Variants in MYCBP2 observed in about 807,000 individuals in gnomAD.
The protein encoded by MYCBP2 is E3 ubiquitin-protein ligase MYCBP2.
MYCBP2 carries 120 observed loss-of-function variants against 525.3 expected under a neutral mutation model. The ratio of observed to expected loss-of-function variants is 0.23; its 90% confidence interval spans 0.20 to 0.27. The LOEUF (loss-of-function observed/expected upper bound fraction) is 0.27. Among genes scored for constraint, MYCBP2 ranks in the 10% least tolerant of loss-of-function variants. MYCBP2 has a pLI of 1.00. For synonymous variants in MYCBP2, 1,894 were observed against 1,955.8 expected, an observed-to-expected ratio of 0.97 and a Z score of 0.83; for missense variants, 4,149 against 5,657.1, an observed-to-expected ratio of 0.73 and a Z score of 8.55.
chr13:77,299,956 T>C (rs1254536031), intron 1 of MYCBP2, among the ~76,000 whole-genome samples: 7 of 152,200 alleles, frequency 4.6e-5, no homozygotes, highest in Non-Finnish European at 8.8e-5. Flanking sequence ...ACTTCTGCAA[T>C]ATAAGAACAA....
chr13:77,176,501 A>T lies in MYCBP2; in HGVS notation c.5468T>A (p.Leu1823Ter). 1 of 1,577,814 alleles carries T rather than the reference A, an allele frequency of 6.3e-7. No homozygotes were observed. The highest frequency in any genetic ancestry group is 8.6e-7 in the Non-Finnish European group (1 of 1,157,972). ...GAAACATTCAGTTGAAACTACCTTTAAAGGAACCACTTTGTCAAGTCTGAT... is the reference window on the plus strand; with the variant it reads ...GAAACATTCAGTTGAAACTACCTTTTAAGGAACCACTTTGTCAAGTCTGAT... ...AEIRLDKVVP[L>*]KENVKYAVRL... Residue 1823 changes from leucine to a stop codon, truncating the protein, a stop_gained, in exon 36 of 83, where the codon TTA (leucine) becomes TAA (stop). Transcript: ENST00000544440. LOFTEE classifies it high-confidence loss of function.
intron 18 of MYCBP2, among the ~76,000 whole-genome samples, chr13:77,229,640 CAT>C (rs2154299536): frequency 6.6e-6 from 1 of 152,224 alleles, no homozygotes; most frequent in Admixed American, 6.5e-5. Context: ...AGACTACACA[CAT>C]ATATTTTAAT....
At position 77,278,518 on chromosome 13, in the gene MYCBP2, T is replaced by C. The variant is rs189049470; in HGVS notation, c.748+240A>G. The stretch of plus-strand genomic sequence containing the variant: ...ATTGTGTGTGCTTCATAAGAGAAGC[T>C]CTTCACTTTTTAAAAACTGCAAATT... On this transcript the variant is annotated intron_variant, in intron 4 of 82. Transcript: ENST00000544440. 2.9e-3 allele frequency among the ~76,000 whole-genome samples: 435 copies of C among 152,348 alleles called. 1 individual carries two copies. The highest frequency in any genetic ancestry group is 4.4e-3 in the Non-Finnish European group (299 of 68,018).
intron 68 of MYCBP2, among the ~76,000 whole-genome samples, chr13:77,073,580 A>G (rs2041754695): frequency 6.6e-6 from 1 of 152,166 alleles, no homozygotes; most frequent in Non-Finnish European, 1.5e-5. Flanking sequence ...TTTAAGGCAT[A>G]TAGTTTAGAA....
intron 13 of MYCBP2, 69 bp downstream of exon 13, chr13:77,260,359 T>C (rs919650167): frequency 7.4e-6 from 8 of 1,080,312 alleles, no homozygotes; most frequent in Admixed American, 6.5e-5. Flanking sequence ...ATTTTCTAGA[T>C]ATGTCTTTGT....
At chr13:77,061,349 T>C in intron 75 of MYCBP2, 48 bp from the exon 76 acceptor site, 1 of 1,462,706 alleles carries the variant, frequency 6.8e-7, no homozygotes, top group Non-Finnish European at 9.3e-7. Flanking sequence ...TTTATCACTC[T>C]GAAAGGGAGA....
chr13:77,071,263 G>GTGCACA (rs1271751470), intron 68 of MYCBP2, among the ~76,000 whole-genome samples: 2 of 116,410 alleles, frequency 1.7e-5, no homozygotes, highest in South Asian at 5.8e-4. Context: ...ATGCACGTGT[G>GTGCACA]TGCACACGCA....
chr13:77,190,350 C>A lies in MYCBP2; in HGVS notation c.4071-15G>T. 2 of 1,459,928 alleles carry A rather than the reference C, an allele frequency of 1.4e-6. No individual in the cohort carries two copies. Among genetic ancestry groups the A allele is most frequent in the South Asian group, 1.2e-5 (1 of 84,242 alleles). 90.4% of individuals were successfully genotyped at this position (1,459,928 alleles called of 1,614,324 possible). ...GGAAAACAACCCTAAGAAGAGAAAA[C>A]AATGATACCAAAAACAACATGATCA... On this transcript the variant is annotated splice_polypyrimidine_tract_variant and intron_variant, in intron 28 of 82. Coordinates refer to ENST00000544440, the MANE Select transcript of MYCBP2 (RefSeq NM_015057.5).
At chr13:77,276,566 C>T (rs529961738) in intron 4 of MYCBP2, among the ~76,000 whole-genome samples, 12 of 152,052 alleles carry the variant, frequency 7.9e-5, no homozygotes, top group East Asian at 1.9e-4. Context: ...GGAAGACAGA[C>T]GAAAGGCAGT....
chr13:77,262,243 AT>A, intron 10 of MYCBP2, 114 bp from the exon 11 acceptor site: 1 of 806,120 alleles, frequency 1.2e-6, no homozygotes, highest in Non-Finnish European at 1.9e-6. Context: ...AAAAACAAGG[AT>A]GACAAAATGT....
At chr13:77,059,491 C>A in intron 77 of MYCBP2, 32 bp downstream of exon 77, 1 of 1,490,902 alleles carries the variant, frequency 6.7e-7, no homozygotes, top group South Asian at 1.1e-5. Flanking sequence ...GGAACATGGA[C>A]AATGGGATGG....
chr13:77,268,616 T>C lies in MYCBP2; in HGVS notation c.1261-679A>G, dbSNP rs547382926. On this transcript the variant is annotated intron_variant, in intron 7 of 82. Transcript: ENST00000544440. ...CCGGCATGGTTAAACCCGTCTCTAC[T>C]AAAAATACAAAAATTAGCTGGACGT... Among the ~76,000 whole-genome samples the C allele has an allele frequency of 1.9e-3, 294 of 152,012 alleles. 1 individual carries two copies. The highest frequency in any genetic ancestry group is 6.8e-3 in the African/African-American group (280 of 41,462).
chr13:77,077,676 G>A (rs201768936), intron 66 of MYCBP2: 130 of 279,240 alleles, frequency 4.7e-4, no homozygotes, highest in East Asian at 3.4e-3. Context: ...TATGGCTTCC[G>A]AGCAAAATTA....
chr13:77,275,034 C>T (rs900404440), intron 4 of MYCBP2, among the ~76,000 whole-genome samples: 1 of 152,112 alleles, frequency 6.6e-6, no homozygotes, highest in African/African-American at 2.4e-5. Flanking sequence ...CAATTATTAT[C>T]CTTCAGTGAG....
intron 46 of MYCBP2, 116 bp downstream of exon 46, chr13:77,155,942 C>G (rs2057164859): frequency 2.1e-6 from 2 of 960,554 alleles, no homozygotes; most frequent in Admixed American, 2.8e-5. Flanking sequence ...TTCAGCATCA[C>G]CCTTTATATA....
At position 77,286,146 on chromosome 13, in the gene MYCBP2, T is replaced by G. The variant is rs535207420; in HGVS notation, c.594+2015A>C. Reference sequence around the variant, plus strand: ...GACAATATGATTAAGGATGGTGGTGTACTTAGGAACAGCCACCATAAAATG... The same window carrying G: ...GACAATATGATTAAGGATGGTGGTGGACTTAGGAACAGCCACCATAAAATG... On this transcript the variant is annotated intron_variant, in intron 3 of 82. Coordinates refer to ENST00000544440, the MANE Select transcript of MYCBP2 (RefSeq NM_015057.5). 4.6e-5 allele frequency among the ~76,000 whole-genome samples: 7 copies of G among 152,314 alleles called. No homozygotes were observed. The South Asian group carries it at 1.4e-3, about 32-fold the overall frequency.
intron 3 of MYCBP2, among the ~76,000 whole-genome samples, chr13:77,279,120 A>G (rs1456109404): frequency 1.3e-5 from 2 of 152,242 alleles, no homozygotes; most frequent in African/African-American, 4.8e-5. Flanking sequence ...TTAATTTGCA[A>G]AGTTCATTTG....
Position 77,326,373 on chromosome 13 carries a change from A to G in MYCBP2, c.302+101T>C. On this transcript the variant is annotated intron_variant, in intron 1 of 82. Transcript: ENST00000544440. The surrounding 1 kb of genome is among the most constrained non-coding windows in gnomAD (Gnocchi z 4.2). ...CGGACTGAAAGCTCAATAAATGCGC[A>G]GGTACACACACGCAAGCACACACAC... 1 of 1,165,054 alleles carries G rather than the reference A, an allele frequency of 8.6e-7. No homozygotes were observed. The highest frequency in any genetic ancestry group is 1.2e-6 in the Non-Finnish European group (1 of 858,284). 72.2% of individuals were successfully genotyped at this position (1,165,054 alleles called of 1,614,324 possible).
At chr13:77,046,668 A>G (rs1419598626) in intron 82 of MYCBP2, among the ~76,000 whole-genome samples, 1 of 152,234 alleles carries the variant, frequency 6.6e-6, no homozygotes, top group African/African-American at 2.4e-5. Flanking sequence ...CAAGAGTAAG[A>G]CCAAGACATT....
Sources: gnomAD v4.1 joint callset for allele counts (sites outside exome capture counted in the v4.1 genomes callset) on GRCh38, gnomAD v4.1.1 for gene constraint, Gnocchi (gnomAD v3.1) non-coding constraint, MANE v1.5 for transcripts, NCBI Gene and HGNC (gene_info 2026-07-23, HGNC 2026-07-21) for gene names.